The following ERBB4 variants were observed in gnomAD, a reference collection of about 807,000 sequenced individuals.
ERBB4 encodes the protein erb-b2 receptor tyrosine kinase 4.
Under a neutral mutation model 158.0 loss-of-function variants are expected in ERBB4, and 42 were observed. That is an observed-to-expected ratio of 0.27 (90% CI 0.21 to 0.34). The LOEUF is 0.34. Ranked by LOEUF, ERBB4 falls within the 10% of genes least tolerant of loss-of-function variation. The pLI is 1.00. For synonymous variants in ERBB4, 583 were observed against 558.7 expected (o/e 1.04, Z -0.61); for missense variants, 1,333 against 1,624.1 (o/e 0.82, Z 3.08).
At chr2:212,530,187 G>A (rs1189865097) in intron 1 of ERBB4, among the ~76,000 whole-genome samples, 4 of 152,078 alleles carry the variant, frequency 2.6e-5, no homozygotes, top group Non-Finnish European at 5.9e-5. Flanking sequence ...CAATAACCCT[G>A]CCTGAGGTTT....
intron 1 of ERBB4, among the ~76,000 whole-genome samples, chr2:212,160,703 T>C (rs1018006487): frequency 2.0e-5 from 3 of 152,016 alleles, no homozygotes; most frequent in South Asian, 2.1e-4. Flanking sequence ...CGCTTTTCTT[T>C]TTTTAGAGAA....
At chr2:211,704,745 CAT>C (rs1479905394) in intron 10 of ERBB4, among the ~76,000 whole-genome samples, 6 of 152,088 alleles carry the variant, frequency 3.9e-5, no homozygotes, top group Non-Finnish European at 8.8e-5. Context: ...AACAGAAAAA[CAT>C]AGTTTCAAAG....
At chr2:212,246,265 T>C (rs2084306069) in intron 1 of ERBB4, among the ~76,000 whole-genome samples, 1 of 152,226 alleles carries the variant, frequency 6.6e-6, no homozygotes, top group African/African-American at 2.4e-5. Flanking sequence ...TGTAAATTGC[T>C]TTGTTTTAAA....
At chr2:212,318,588 T>C (rs1243851303) in intron 1 of ERBB4, among the ~76,000 whole-genome samples, 1 of 151,550 alleles carries the variant, frequency 6.6e-6, no homozygotes, top group Non-Finnish European at 1.5e-5. Context: ...TTGTTGCAAA[T>C]TTTATTTTAT....
intron 1 of ERBB4, among the ~76,000 whole-genome samples, chr2:212,465,584 G>T: frequency 6.6e-6 from 1 of 152,116 alleles, no homozygotes; most frequent in East Asian, 1.9e-4. Context: ...GAAAATTGGA[G>T]CCAAATTTCA....
At chr2:211,571,032 A>ACT (rs1559306935) in intron 19 of ERBB4, among the ~76,000 whole-genome samples, 2 of 122,320 alleles carry the variant, frequency 1.6e-5, no homozygotes, top group African/African-American at 3.5e-5. Flanking sequence ...CTCTCTGAGT[A>ACT]CTCTTCTTCT....
intron 16 of ERBB4, among the ~76,000 whole-genome samples, chr2:211,633,172 C>G (rs1464672188): frequency 4.6e-5 from 7 of 152,066 alleles, no homozygotes; most frequent in African/African-American, 2.4e-5. Flanking sequence ...ATAAAATGTA[C>G]TCCTGCATTA....
chr2:212,035,859 A>G (rs2077000641), intron 2 of ERBB4, among the ~76,000 whole-genome samples: 1 of 152,190 alleles, frequency 6.6e-6, no homozygotes, highest in Non-Finnish European at 1.5e-5. Flanking sequence ...AAACAGGCAT[A>G]TAATAAAAAA....
intron 3 of ERBB4, among the ~76,000 whole-genome samples, chr2:211,830,443 C>T (rs16846896): frequency 0.11 from 17,274 of 151,986 alleles, 1,518 homozygotes; most frequent in African/African-American, 0.23. Context: ...CTTTTTATTT[C>T]GTACCACTTC....
chr2:211,677,592 A>G (rs1435206054), intron 13 of ERBB4, among the ~76,000 whole-genome samples: 3 of 150,274 alleles, frequency 2.0e-5, no homozygotes, highest in Non-Finnish European at 4.4e-5. Context: ...AAAAAAAAAG[A>G]GGCCAGGCGC....
intron 2 of ERBB4, among the ~76,000 whole-genome samples, chr2:212,099,618 T>C (rs1280882350): frequency 6.6e-6 from 1 of 152,194 alleles, no homozygotes; most frequent in Non-Finnish European, 1.5e-5. Flanking sequence ...TACAAACATA[T>C]TGGTCTTGCT....
At chr2:211,490,929 G>GTT in intron 20 of ERBB4, among the ~76,000 whole-genome samples, 1 of 152,178 alleles carries the variant, frequency 6.6e-6, no homozygotes, top group South Asian at 2.1e-4. Context: ...GAAACTGTGT[G>GTT]ATGTTTCAGG....
intron 19 of ERBB4, among the ~76,000 whole-genome samples, chr2:211,565,433 T>C (rs2067518281): frequency 6.6e-6 from 1 of 152,182 alleles, no homozygotes. Context: ...AAGCATATTA[T>C]TTAAATGTAT....
intron 1 of ERBB4, among the ~76,000 whole-genome samples, chr2:212,494,849 C>T (rs901795963): frequency 2.0e-5 from 3 of 152,072 alleles, no homozygotes; most frequent in Non-Finnish European, 4.4e-5. Context: ...GAGCTATCTA[C>T]TCCTCCCTGT....
intron 1 of ERBB4, among the ~76,000 whole-genome samples, chr2:212,229,781 T>C (rs955241731): frequency 6.6e-6 from 1 of 152,220 alleles, no homozygotes; most frequent in African/African-American, 2.4e-5. Context: ...TATTTTACAG[T>C]ATTTAATGTT....
chr2:212,008,747 A>G (rs985825003), intron 2 of ERBB4, among the ~76,000 whole-genome samples: 2 of 152,176 alleles, frequency 1.3e-5, no homozygotes, highest in African/African-American at 4.8e-5. Context: ...AGGGGTAAAC[A>G]CTGCTTTGAA....
chr2:211,538,949 CTTGA>C (rs1331382783), intron 20 of ERBB4, among the ~76,000 whole-genome samples: 1 of 151,858 alleles, frequency 6.6e-6, no homozygotes, highest in African/African-American at 2.4e-5. Context: ...TTCTCCCCAT[CTTGA>C]TTATGTGCAC....
In ERBB4 at chr2:212,418,971, A is replaced by G. The variant is rs146537332; in HGVS notation, c.82+119478T>C. On this transcript the variant is annotated intron_variant, in intron 1 of 27. Coordinates refer to ENST00000342788, the MANE Select transcript of ERBB4 (RefSeq NM_005235.3). The stretch of plus-strand genomic sequence containing the variant: ...GCAAACATGAAAGCTTCAAAGAAGC[A>G]GAGCATTTAAGCTTTCCTTAAAATG... 2.9e-3 allele frequency among the ~76,000 whole-genome samples: 442 copies of G among 152,106 alleles called. 3 individuals carry two copies. The highest frequency in any genetic ancestry group is 0.01 in the African/African-American group (424 of 41,570).
chr2:212,373,920 TATATATATCC>T (rs1438938384), intron 1 of ERBB4, among the ~76,000 whole-genome samples: 1,101 of 92,784 alleles, frequency 0.012, 167 homozygotes, highest in African/African-American at 0.059. Context: ...TATATCCATA[TATATATATCC>T]ATATATATCC....
Sources: gnomAD v4.1 joint callset for allele counts (sites outside exome capture counted in the v4.1 genomes callset) on GRCh38, gnomAD v4.1.1 for gene constraint, MANE v1.5 for transcripts, NCBI Gene and HGNC (gene_info 2026-07-23, HGNC 2026-07-21) for gene names.